The following PLA2G15 variants were observed in gnomAD, a reference collection of about 807,000 sequenced individuals.
PLA2G15 encodes the protein lysosomal phospholipase A and acyltransferase.
PLA2G15 carries 20 observed loss-of-function variants against 40.9 expected under a neutral mutation model. That is an observed-to-expected ratio of 0.49 (90% confidence interval 0.34 to 0.71). PLA2G15 has a LOEUF of 0.71. Ranked by LOEUF, PLA2G15 falls within the 30% of genes least tolerant of loss-of-function variation. The pLI is 0.01. For missense variants in PLA2G15, 471 were observed against 541.9 expected, an observed-to-expected ratio of 0.87 and a Z score of 1.30; for synonymous variants, 223 against 228.2, an observed-to-expected ratio of 0.98 and a Z score of 0.21.
Position 68,254,928 on chromosome 16 carries a change from C to G in PLA2G15, c.294C>G (p.Tyr98Ter). The change falls in exon 3 of 6, where the codon TAC becomes TAG. Residue 98 changes from tyrosine to a stop codon, truncating the protein, a stop_gained. Coordinates refer to ENST00000219345, the MANE Select transcript of PLA2G15 (RefSeq NM_012320.4). LOFTEE classifies it high-confidence loss of function. ...TATCCTCTCACAACAGGCTGGTTTACAACAAAACATCCAGGGCCACCCAGT... is the reference window on the plus strand; with the variant it reads ...TATCCTCTCACAACAGGCTGGTTTAGAACAAAACATCCAGGGCCACCCAGT... The part of the protein sequence containing the change: ...DCWIDNIRLV[Y>*]NKTSRATQFP... The G allele has an allele frequency of 6.2e-7, 1 of 1,611,790 alleles. No individual in the cohort carries two copies. The highest frequency in any genetic ancestry group is 8.5e-7 in the Non-Finnish European group (1 of 1,177,978).
intron 1 of PLA2G15, among the ~76,000 whole-genome samples, chr16:68,246,615 T>C (rs2042311401): frequency 6.6e-6 from 1 of 152,116 alleles, no homozygotes. Context: ...CCATGGGATT[T>C]GGGCAGACTT....
rs2042339831 is a variant in PLA2G15, at chr16:68,249,943, G to A, written c.284+497G>A. ...GTTCTGCCCACCTTGGACTCCCAAA[G>A]TGCTGGGATTACAGGCATGAGCCAC... On this transcript the variant is annotated intron_variant, in intron 2 of 5. Transcript: ENST00000219345. Among the ~76,000 whole-genome samples the A allele has an allele frequency of 2.0e-5, 3 of 152,106 alleles. No homozygotes were observed. In the South Asian group the frequency reaches 6.2e-4, roughly 31 times the overall value.
intron 5 of PLA2G15, among the ~76,000 whole-genome samples, chr16:68,256,761 C>T (rs56662880): frequency 0.014 from 2,107 of 152,120 alleles, 47 homozygotes; most frequent in African/African-American, 0.048. Flanking sequence ...CCACTCGCTT[C>T]GGCCTCCCAA....
At position 68,256,103 on chromosome 16, in the gene PLA2G15, G is replaced by A. The variant is rs1049186782; in HGVS notation, c.727+113G>A. The A allele has an allele frequency of 4.3e-5, 29 of 668,358 alleles. No individual in the cohort carries two copies. In the Admixed American group the frequency reaches 7.3e-4, roughly 17 times the overall value. The allele number at this position is 668,358 out of a possible 1,614,324, so 41.4% of individuals were successfully genotyped here. A position where few individuals can be genotyped will look rare whatever the true frequency, so the allele number is the denominator to read the frequency against. On this transcript the variant is annotated intron_variant, in intron 5 of 5. Transcript: ENST00000219345. ...GCCTCGTGTCTGTCCCACGGTGTGTGGGGTCTATGCAAATCTACCCCTAAA... is the reference window on the plus strand; with the variant it reads ...GCCTCGTGTCTGTCCCACGGTGTGTAGGGTCTATGCAAATCTACCCCTAAA...
rs8063214 is a variant in PLA2G15 at position 68,250,053 on chromosome 16, C to T, written c.284+607C>T. 5.4e-3 allele frequency among the ~76,000 whole-genome samples: 819 copies of T among 151,994 alleles called. 9 individuals carry two copies. The highest frequency in any genetic ancestry group is 0.019 in the African/African-American group (792 of 41,452). ...CCCACCCCTTTCCTTGTCTGTGCCT[C>T]GGCCTCCCCTACCTCTCCAGCTGCT... On this transcript the variant is annotated intron_variant, in intron 2 of 5. Coordinates refer to ENST00000219345, the MANE Select transcript of PLA2G15 (RefSeq NM_012320.4).
At chr16:68,253,694 T>G (rs1467804829) in intron 2 of PLA2G15, among the ~76,000 whole-genome samples, 2 of 149,286 alleles carry the variant, frequency 1.3e-5, no homozygotes, top group Admixed American at 1.3e-4. Flanking sequence ...TTGTTTTGTT[T>G]TTTTTTTTTT....
intron 2 of PLA2G15, among the ~76,000 whole-genome samples, chr16:68,252,130 G>A (rs1401077499): frequency 4.6e-5 from 7 of 152,188 alleles, no homozygotes; most frequent in Non-Finnish European, 8.8e-5. Context: ...TTCACCCAGC[G>A]CAGAACTGCT....
At chr16:68,258,017 C>CT (rs2042415193) in intron 5 of PLA2G15, among the ~76,000 whole-genome samples, 1 of 152,212 alleles carries the variant, frequency 6.6e-6, no homozygotes, top group Non-Finnish European at 1.5e-5. Flanking sequence ...TACAGTCAGT[C>CT]TGAGAGGCCT....
At chr16:68,258,510 A>AT (rs764332424) in intron 5 of PLA2G15, among the ~76,000 whole-genome samples, 3 of 152,236 alleles carry the variant, frequency 2.0e-5, no homozygotes, top group Non-Finnish European at 4.4e-5. Flanking sequence ...AGCAAAAAAA[A>AT]CAAAACATAG....
chr16:68,254,168 G>C (rs562353386), intron 2 of PLA2G15, among the ~76,000 whole-genome samples: 2 of 152,162 alleles, frequency 1.3e-5, no homozygotes, highest in Admixed American at 6.5e-5. Context: ...CTCCCAACCA[G>C]GTCCAAGACC....
intron 5 of PLA2G15, chr16:68,258,882 C>T (rs886071464): frequency 2.6e-5 from 12 of 456,646 alleles, no homozygotes; most frequent in African/African-American, 2.2e-4. Flanking sequence ...ATTGGTTGAG[C>T]CTGAGAGGTT....
intron 1 of PLA2G15, chr16:68,248,779 C>CTGCCCTTGT: frequency 1.1e-6 from 1 of 945,312 alleles, no homozygotes; most frequent in South Asian, 4.6e-5. Context: ...CCAGGCAGAG[C>CTGCCCTTGT]TCCCATCGGG....
At position 68,255,320 on chromosome 16, in the gene PLA2G15, T is replaced by C; in HGVS notation, c.442T>C (p.Trp148Arg). The C allele has an allele frequency of 6.2e-7, 1 of 1,614,020 alleles. No individual in the cohort carries two copies. The highest frequency in any genetic ancestry group is 8.5e-7 in the Non-Finnish European group (1 of 1,179,912). Reference protein sequence around the residue: ...FHTMVESLVGWGYTRGEDVRG... With the variant: ...FHTMVESLVGRGYTRGEDVRG... The stretch of plus-strand genomic sequence containing the variant: ...CACCATGGTGGAGAGCCTTGTGGGC[T>C]GGGGCTACACACGGGGTGAGGATGT... Residue 148 changes from tryptophan to arginine, a missense_variant, in exon 4 of 6, where the codon TGG becomes CGG. By Grantham distance (101) the Trp-to-Arg change is moderately radical (BLOSUM62 -3). Transcript: ENST00000219345. This position sits in a 1 kb window ranked among gnomAD's most constrained non-coding sequence, Gnocchi z 5.9.
chr16:68,245,416 C>T lies in PLA2G15; in HGVS notation c.-11C>T, dbSNP rs1404253401. The stretch of plus-strand genomic sequence containing the variant: ...ACCTGCATCCCGGACCTGCGGCGAC[C>T]GTCGTACACCATGGGCCTCCACCTC... On this transcript the variant is annotated 5_prime_UTR_variant, in exon 1 of 6. Transcript: ENST00000219345. 6 of 1,601,994 alleles carry T rather than the reference C, an allele frequency of 3.7e-6. No homozygotes were observed. The highest frequency in any genetic ancestry group is 3.4e-6 in the Non-Finnish European group (4 of 1,179,210).
rs1042527996 is a variant in PLA2G15, at chr16:68,259,280, A to G, written c.862A>G (p.Ile288Val). ...PEKVFVQTPT[I>V]NYTLRDYRKF... is the part of the protein sequence containing the mutation. ...GAAGGTGTTCGTGCAGACACCCACA[A>G]TCAACTACACACTGCGGGACTACCG... The change falls in exon 6 of 6, where the codon ATC (isoleucine) becomes GTC (valine). Residue 288 changes from isoleucine (I) to valine (V), a missense_variant. Transcript: ENST00000219345. This position sits in a 1 kb window ranked among gnomAD's most constrained non-coding sequence, Gnocchi z 6.5. 8.7e-6 allele frequency: 14 copies of G among 1,613,984 alleles called. No homozygotes were observed. Among genetic ancestry groups the G allele is most frequent in the Non-Finnish European group, 1.1e-5 (13 of 1,180,036 alleles).
intron 5 of PLA2G15, chr16:68,258,756 C>A (rs1157004638): frequency 8.3e-5 from 16 of 193,906 alleles, no homozygotes; most frequent in Non-Finnish European, 3.2e-5. Context: ...GCACTCCAGC[C>A]TGGGTGACAG....
intron 5 of PLA2G15, among the ~76,000 whole-genome samples, chr16:68,258,096 C>T (rs867344885): frequency 6.6e-6 from 1 of 152,188 alleles, no homozygotes; most frequent in Admixed American, 6.5e-5. Flanking sequence ...GGCCCCTGTT[C>T]CCAAGTTGCA....
chr16:68,248,035 G>A lies in PLA2G15; in HGVS notation c.128-1255G>A, dbSNP rs560023487. On this transcript the variant is annotated intron_variant, in intron 1 of 5. Transcript: ENST00000219345. ...GAGAAGTCACCCTAGGGCCTGGACTGTGGTGATAATGGTGCTGGTTCAGGG... is the reference window on the plus strand; with the variant it reads ...GAGAAGTCACCCTAGGGCCTGGACTATGGTGATAATGGTGCTGGTTCAGGG... Among the ~76,000 whole-genome samples, 6 of 152,332 alleles carry A rather than the reference G, an allele frequency of 3.9e-5. No individual in the cohort carries two copies. In the East Asian group the frequency reaches 5.8e-4, roughly 15 times the overall value.
At chr16:68,252,566 G>A (rs1282452236) in intron 2 of PLA2G15, 2 of 455,858 alleles carry the variant, frequency 4.4e-6, no homozygotes, top group Admixed American at 2.4e-5. Flanking sequence ...GCCCTGAGGC[G>A]GGGTCTGTCC....
Sources: gnomAD v4.1 joint callset for allele counts (sites outside exome capture counted in the v4.1 genomes callset) on GRCh38, gnomAD v4.1.1 for gene constraint, Gnocchi (gnomAD v3.1) non-coding constraint, MANE v1.5 for transcripts, NCBI Gene and HGNC (gene_info 2026-07-23, HGNC 2026-07-21) for gene names.